The following MPP1 variants were observed in gnomAD, a reference collection of about 807,000 sequenced individuals.
MPP1 encodes MAGUK p55 scaffold protein 1.
Under a neutral mutation model 38.2 loss-of-function variants are expected in MPP1, and 6 were observed. The observed-to-expected ratio is 0.16, with a 90% CI of 0.09 to 0.31. The LOEUF (loss-of-function observed/expected upper bound fraction) is 0.31, where lower values mean the gene tolerates loss of function less well. MPP1 is among the 10% of genes least tolerant of loss of function. The pLI, the probability that MPP1 is intolerant of heterozygous loss-of-function variation, is 1.00. For synonymous variants in MPP1, 153 were observed against 146.3 expected (o/e 1.05, Z -0.33); for missense variants, 293 against 368.9 (o/e 0.79, Z 1.69).
intron 1 of MPP1, among the ~76,000 whole-genome samples, chrX:154,802,284 C>A (rs1255952306): frequency 1.8e-5 from 2 of 112,584 alleles, no homozygotes; most frequent in Non-Finnish European, 3.8e-5. Flanking sequence ...ATGTCTGCGT[C>A]CTTCCTTATT....
At position 154,778,925 on chromosome X, in the gene MPP1, G is replaced by C. The variant is rs188008286; in HGVS notation, c.*252C>G. The C allele has an allele frequency of 2.0e-4, 72 of 356,935 alleles. No homozygotes were observed. Among genetic ancestry groups the C allele is most frequent in the African/African-American group, 1.7e-3 (67 of 38,951 alleles). The allele number at this position is 356,935 out of a possible 1,213,427, so 29.4% of individuals were successfully genotyped here. ...ACCCTTGATTAGCAGTTACATTTTGGTAGTACTTCTTACCCCCAATTTCTA... is the reference window on the plus strand; with the variant it reads ...ACCCTTGATTAGCAGTTACATTTTGCTAGTACTTCTTACCCCCAATTTCTA... On this transcript the variant is annotated 3_prime_UTR_variant, in exon 12 of 12. Coordinates refer to ENST00000369534, the MANE Select transcript of MPP1 (RefSeq NM_002436.4).
At chrX:154,787,708 G>C (rs1249206633) in intron 5 of MPP1, among the ~76,000 whole-genome samples, 1 of 111,762 alleles carries the variant, frequency 8.9e-6, no homozygotes, top group Non-Finnish European at 1.9e-5. Flanking sequence ...CTGGGCTCAA[G>C]CAATCCACCC....
intron 1 of MPP1, among the ~76,000 whole-genome samples, chrX:154,793,689 C>T (rs1404901175): frequency 1.8e-5 from 2 of 111,845 alleles, no homozygotes; most frequent in Non-Finnish European, 3.8e-5. Flanking sequence ...ATTTTTGAAC[C>T]ATTTGAGAGT....
chrX:154,804,460 C>A (rs1174221014), intron 1 of MPP1, among the ~76,000 whole-genome samples: 1 of 111,017 alleles, frequency 9.0e-6, no homozygotes, highest in Non-Finnish European at 1.9e-5. Context: ...CCCTTGGGAC[C>A]TGGCCAGCAT....
chrX:154,801,773 A>AAAAC (rs2072266082), intron 1 of MPP1, among the ~76,000 whole-genome samples: 1 of 88,034 alleles, frequency 1.1e-5, no homozygotes, highest in Non-Finnish European at 2.2e-5. Context: ...AAAAAAAAAA[A>AAAAC]AAAAAAAAAA....
rs1569558870 is a variant in MPP1, at chrX:154,787,143, CA to C, written c.481-744del. 2.9e-3 allele frequency among the ~76,000 whole-genome samples: 269 copies of C among 93,197 alleles called. 2 individuals are homozygous for C. The highest frequency in any genetic ancestry group is 4.1e-3 in the Non-Finnish European group (189 of 45,610). The allele number at this position is 93,197 out of a possible 115,157, so 80.9% of individuals were successfully genotyped here. On this transcript the variant is annotated intron_variant, in intron 5 of 11. Coordinates refer to ENST00000369534, the MANE Select transcript of MPP1 (RefSeq NM_002436.4). ...ACACACACACACACACACACACACA[CA>C]CACCTACCTCATTACTTCATTGACA...
intron 1 of MPP1, 82 bp downstream of exon 1, chrX:154,805,190 A>T: frequency 1.0e-6 from 1 of 956,091 alleles, no homozygotes; most frequent in Non-Finnish European, 1.4e-6. Flanking sequence ...CCCCCCGGGG[A>T]CAGGGACCGG....
chrX:154,779,044 G>C lies in MPP1; in HGVS notation c.*133C>G, dbSNP rs782046952. 8 of 609,933 alleles carry C rather than the reference G, an allele frequency of 1.3e-5. No homozygotes were observed. The highest frequency in any genetic ancestry group is 7.1e-5 in the South Asian group (2 of 28,142). The allele number at this position is 609,933 out of a possible 1,213,427, so 50.3% of individuals were successfully genotyped here. A position where few individuals can be genotyped will look rare whatever the true frequency, so the allele number is the denominator to read the frequency against. On this transcript the variant is annotated 3_prime_UTR_variant, in exon 12 of 12. Coordinates refer to ENST00000369534, the MANE Select transcript of MPP1 (RefSeq NM_002436.4). ...GCAAGAAGACTGAACCTTACTGGCT[G>C]AATTAGGATAGCTGCAGAGAGCTGG...
intron 1 of MPP1, among the ~76,000 whole-genome samples, chrX:154,802,722 T>C (rs1603430418): frequency 8.9e-6 from 1 of 111,783 alleles, no homozygotes; most frequent in African/African-American, 3.3e-5. Context: ...GAGATATACT[T>C]AAATAGGGGA....
At chrX:154,786,122 T>A in intron 6 of MPP1, 82 bp downstream of exon 6, 1 of 898,820 alleles carries the variant, frequency 1.1e-6, no homozygotes, top group Non-Finnish European at 1.5e-6. Context: ...AAACAGAAAC[T>A]ACAAACAAAA....
chrX:154,790,960 C>T, intron 4 of MPP1, 23 bp downstream of exon 4: 1 of 1,188,392 alleles, frequency 8.4e-7, no homozygotes, highest in Non-Finnish European at 1.1e-6. Flanking sequence ...GGAAGGTCTT[C>T]ATCTAGCATA....
chrX:154,798,678 A>T (rs2072226187), intron 1 of MPP1, among the ~76,000 whole-genome samples: 1 of 111,965 alleles, frequency 8.9e-6, no homozygotes, highest in African/African-American at 3.2e-5. Context: ...CTTTGTGGGG[A>T]TGGAACAGTT....
intron 3 of MPP1, 116 bp downstream of exon 3, chrX:154,791,653 C>A: frequency 1.5e-6 from 1 of 650,994 alleles, no homozygotes; most frequent in Non-Finnish European, 2.4e-6. Context: ...TCTCTTGGCA[C>A]ACTCACAAAA....
In MPP1 at chrX:154,779,050, G is replaced by C; in HGVS notation, c.*127C>G. The C allele has an allele frequency of 1.6e-6, 1 of 623,071 alleles. No individual in the cohort carries two copies. The allele number at this position is 623,071 out of a possible 1,213,427, so 51.3% of individuals were successfully genotyped here. A position where few individuals can be genotyped will look rare whatever the true frequency, so the allele number is the denominator to read the frequency against. On this transcript the variant is annotated 3_prime_UTR_variant, in exon 12 of 12. Coordinates refer to ENST00000369534, the MANE Select transcript of MPP1 (RefSeq NM_002436.4). ...AGACTGAACCTTACTGGCTGAATTA[G>C]GATAGCTGCAGAGAGCTGGAAGCTG...
chrX:154,794,029 C>G (rs782427579), intron 1 of MPP1, among the ~76,000 whole-genome samples: 1 of 111,968 alleles, frequency 8.9e-6, no homozygotes, highest in South Asian at 3.7e-4. Context: ...AGATGTCTCT[C>G]AGTTTGGGGT....
chrX:154,799,945 C>A, intron 1 of MPP1: 1 of 1,008,080 alleles, frequency 9.9e-7, no homozygotes, highest in Non-Finnish European at 1.3e-6. Flanking sequence ...CGGGCGGTGG[C>A]GGGGGTGAAT....
At chrX:154,788,158 C>G (rs1412741748) in intron 5 of MPP1, among the ~76,000 whole-genome samples, 1 of 111,924 alleles carries the variant, frequency 8.9e-6, no homozygotes, top group Non-Finnish European at 1.9e-5. Context: ...ACTTTTAAAA[C>G]AAGACATAAA....
intron 1 of MPP1, among the ~76,000 whole-genome samples, chrX:154,798,417 A>G (rs1557268325): frequency 8.9e-6 from 1 of 112,709 alleles, no homozygotes; most frequent in African/African-American, 3.2e-5. Flanking sequence ...ACCATGGAAC[A>G]CTTCTCAGCA....
intron 11 of MPP1, 57 bp downstream of exon 11, chrX:154,781,182 C>G: frequency 9.7e-7 from 1 of 1,030,332 alleles, no homozygotes; most frequent in Non-Finnish European, 1.4e-6. Flanking sequence ...GACTGAGGTC[C>G]CAGTATGGGC....
Sources: allele counts gnomAD v4.1 joint callset (sites outside exome capture counted in the v4.1 genomes callset), GRCh38; gene constraint gnomAD v4.1.1; transcripts MANE v1.5; gene names NCBI Gene and HGNC (gene_info 2026-07-23, HGNC 2026-07-21).